Variants in ANO10 observed in about 807,000 individuals in gnomAD.
ANO10 encodes anoctamin 10.
A neutral mutation model predicts 74.7 loss-of-function variants in ANO10; 77 were observed. The observed-to-expected ratio is 1.03, with a 90% CI of 0.86 to 1.25. The LOEUF (loss-of-function observed/expected upper bound fraction) is 1.25. Ranked by LOEUF, ANO10 falls within the 50% of genes most tolerant of loss-of-function variation. The pLI is 0.00. For missense variants in ANO10, 721 were observed against 778.1 expected (o/e 0.93, Z 0.87); for synonymous variants, 279 against 284.9 (o/e 0.98, Z 0.21).
chr3:43,532,638 AACC>A (rs1379916359), intron 11 of ANO10, among the ~76,000 whole-genome samples: 2 of 152,222 alleles, frequency 1.3e-5, no homozygotes, highest in African/African-American at 4.8e-5. Flanking sequence ...AGTTTCATAT[AACC>A]ACCACCACAA....
intron 1 of ANO10, among the ~76,000 whole-genome samples, chr3:43,614,381 G>C (rs917620169): frequency 1.3e-5 from 2 of 152,116 alleles, no homozygotes; most frequent in Admixed American, 1.3e-4. Context: ...TTTGCAATAT[G>C]ACAGACAAAT....
chr3:43,633,189 C>A (rs184702612), intron 1 of ANO10, among the ~76,000 whole-genome samples: 41 of 152,116 alleles, frequency 2.7e-4, no homozygotes, highest in Admixed American at 2.4e-3. Context: ...AAAGTTATTG[C>A]GGTTTTTGCC....
intron 1 of ANO10, among the ~76,000 whole-genome samples, chr3:43,669,084 C>G (rs946129229): frequency 6.6e-6 from 1 of 152,118 alleles, no homozygotes; most frequent in African/African-American, 2.4e-5. Context: ...GGACTGCAAC[C>G]TTCACCAGTG....
chr3:43,647,151 A>ATGTG (rs1450143460), intron 1 of ANO10, among the ~76,000 whole-genome samples: 109 of 73,858 alleles, frequency 1.5e-3, no homozygotes, highest in African/African-American at 4.1e-3. Context: ...ATATGTGTAT[A>ATGTG]TATGTGTGTG....
intron 1 of ANO10, among the ~76,000 whole-genome samples, chr3:43,657,051 T>C (rs2083865575): frequency 6.6e-6 from 1 of 152,250 alleles, no homozygotes; most frequent in Non-Finnish European, 1.5e-5. Context: ...GGGAATAAAC[T>C]CTTCATCCAA....
chr3:43,465,164 G>A (rs1018600746), intron 11 of ANO10, among the ~76,000 whole-genome samples: 2 of 152,114 alleles, frequency 1.3e-5, no homozygotes, highest in African/African-American at 4.8e-5. Flanking sequence ...AAAGTTTCAG[G>A]ATAAAAGGTC....
At chr3:43,380,833 C>T (rs2091939603) in intron 12 of ANO10, among the ~76,000 whole-genome samples, 1 of 152,106 alleles carries the variant, frequency 6.6e-6, no homozygotes, top group South Asian at 2.1e-4. Flanking sequence ...TAGAATAGTA[C>T]CTCACATCTC....
At chr3:43,441,220 C>A (rs1225713618) in intron 11 of ANO10, among the ~76,000 whole-genome samples, 1 of 148,482 alleles carries the variant, frequency 6.7e-6, no homozygotes, top group African/African-American at 2.5e-5. Context: ...AAAACAACAG[C>A]AAAAAAAAAA....
chr3:43,377,012 AG>A (rs1194639718), intron 12 of ANO10, among the ~76,000 whole-genome samples: 1 of 152,240 alleles, frequency 6.6e-6, no homozygotes, highest in Non-Finnish European at 1.5e-5. Context: ...GATGACCAAG[AG>A]CATCTGGTCT....
chr3:43,682,768 A>G (rs1363350845), intron 1 of ANO10, among the ~76,000 whole-genome samples: 3 of 152,208 alleles, frequency 2.0e-5, no homozygotes, highest in Non-Finnish European at 2.9e-5. Context: ...ATGGAAGGCT[A>G]GTTCAACATA....
chr3:43,451,708 CAAATACGCTTAGATA>C (rs1270990001), intron 11 of ANO10, among the ~76,000 whole-genome samples: 1 of 152,110 alleles, frequency 6.6e-6, no homozygotes. Context: ...CTGAGGAGTC[CAAATACGCTTAGATA>C]AGACTATAAA....
intron 1 of ANO10, among the ~76,000 whole-genome samples, chr3:43,663,159 C>T (rs1294531270): frequency 6.6e-6 from 1 of 152,208 alleles, no homozygotes; most frequent in Non-Finnish European, 1.5e-5. Context: ...TGCTGGCAAA[C>T]CGAATCCAGT....
chr3:43,592,047 G>C (rs1339743663), intron 4 of ANO10, among the ~76,000 whole-genome samples: 1 of 152,212 alleles, frequency 6.6e-6, no homozygotes, highest in Non-Finnish European at 1.5e-5. Context: ...GCAAGGCTGG[G>C]GGAGGGGCGC....
At chr3:43,540,331 C>T (rs2078900723) in intron 11 of ANO10, among the ~76,000 whole-genome samples, 1 of 152,202 alleles carries the variant, frequency 6.6e-6, no homozygotes. Context: ...ACCTATAAGA[C>T]AATGTCTAAG....
intron 8 of ANO10, among the ~76,000 whole-genome samples, chr3:43,565,157 CTTAAT>C (rs543479965): frequency 1.0e-3 from 158 of 152,264 alleles, no homozygotes; most frequent in African/African-American, 3.6e-3. Context: ...ATAATTTGTT[CTTAAT>C]TTATTATTCA....
chr3:43,639,077 G>A (rs1308734506), intron 1 of ANO10: 1 of 152,296 alleles, frequency 6.6e-6, no homozygotes, highest in African/African-American at 2.4e-5. Context: ...GACATGGCAT[G>A]GGCTTCCTGC....
chr3:43,565,732 C>CA lies in ANO10; in HGVS notation c.1219-6dup, dbSNP rs367784953. ...AAAGCAATTGAGGAAGTTGAACTGC[C>CA]AAAAAAAAAAAAAAAAAAGATAAGT... On this transcript the variant is annotated splice_region_variant and splice_polypyrimidine_tract_variant and intron_variant, in intron 7 of 12. Coordinates refer to ENST00000292246, the MANE Select transcript of ANO10 (RefSeq NM_018075.5). 0.15 allele frequency: 181,968 copies of CA among 1,201,362 alleles called. 229 individuals are homozygous for CA. Among genetic ancestry groups the CA allele is most frequent in the South Asian group, 0.16 (9,388 of 60,302 alleles). 74.4% of individuals were successfully genotyped at this position (1,201,362 alleles called of 1,614,324 possible).
At chr3:43,367,268 T>C (rs887344388) in intron 12 of ANO10, among the ~76,000 whole-genome samples, 2 of 152,204 alleles carry the variant, frequency 1.3e-5, no homozygotes, top group African/African-American at 2.4e-5. Context: ...ATGAGGGGAA[T>C]AGGCGGACAG....
Position 43,516,013 on chromosome 3 carries a change from G to C in ANO10, c.1797+33707C>G, listed in dbSNP as rs17474028. Among the ~76,000 whole-genome samples the C allele has an allele frequency of 5.3e-5, 8 of 152,012 alleles. No individual in the cohort carries two copies. In the East Asian group the frequency reaches 1.3e-3, roughly 26 times the overall value. On this transcript the variant is annotated intron_variant, in intron 11 of 12. Coordinates refer to ENST00000292246, the MANE Select transcript of ANO10 (RefSeq NM_018075.5). ...GTAGAGAGGCATTATCATTCTCTTC[G>C]TGATCTGAGATATTTCACATATAGA...
Sources: allele counts gnomAD v4.1 joint callset (sites outside exome capture counted in the v4.1 genomes callset), GRCh38; gene constraint gnomAD v4.1.1; transcripts MANE v1.5; gene names NCBI Gene and HGNC (gene_info 2026-07-23, HGNC 2026-07-21).